Variants in OSBP2 observed in about 807,000 individuals in gnomAD.
OSBP2 encodes oxysterol-binding protein 2.
In OSBP2, 66 loss-of-function variants were observed where a neutral mutation model predicts 96.0. That is an observed-to-expected ratio of 0.69 (90% CI 0.56 to 0.84). The LOEUF (loss-of-function observed/expected upper bound fraction) is 0.84. Among genes scored for constraint, OSBP2 ranks in the 40% least tolerant of loss-of-function variants. OSBP2 has a pLI of 0.00. For missense variants in OSBP2, 1,038 were observed against 1,222.7 expected (o/e 0.85, Z 2.25); for synonymous variants, 525 against 520.9 (o/e 1.01, Z -0.11).
chr22:30,844,567 G>A (rs1040837821), intron 2 of OSBP2: 1 of 154,880 alleles, frequency 6.5e-6, no homozygotes, highest in Non-Finnish European at 1.4e-5. Context: ...CCTCACCTCT[G>A]TCAGCCTCCA....
chr22:30,870,781 C>T lies in OSBP2; in HGVS notation c.1107+99C>T. 7.7e-7 allele frequency: 1 copy of T among 1,291,792 alleles called. No individual in the cohort carries two copies. The highest frequency in any genetic ancestry group is 1.1e-6 in the Non-Finnish European group (1 of 932,384). The allele number at this position is 1,291,792 out of a possible 1,614,324, so 80.0% of individuals were successfully genotyped here. On this transcript the variant is annotated intron_variant, in intron 3 of 13. Coordinates refer to ENST00000332585, the MANE Select transcript of OSBP2 (RefSeq NM_030758.4). This position sits in a 1 kb window ranked among gnomAD's most constrained non-coding sequence, Gnocchi z 4.1. ...GGGTCAGCTTGAAGGGTCAGCGTTCCATTTCCTGCGGTTCCACGGTGTTTC... is the reference window on the plus strand; with the variant it reads ...GGGTCAGCTTGAAGGGTCAGCGTTCTATTTCCTGCGGTTCCACGGTGTTTC...
intron 2 of OSBP2, among the ~76,000 whole-genome samples, chr22:30,853,381 A>G (rs1022682654): frequency 2.6e-5 from 4 of 152,122 alleles, no homozygotes; most frequent in South Asian, 2.1e-4. Flanking sequence ...TCTCTGTCCA[A>G]AAGTTTGCTT....
intron 2 of OSBP2, among the ~76,000 whole-genome samples, chr22:30,830,561 C>T (rs2147001957): frequency 6.6e-6 from 1 of 152,352 alleles, no homozygotes; most frequent in South Asian, 2.1e-4. Context: ...GACAGGGCCC[C>T]TGGAATGTGA....
intron 2 of OSBP2, chr22:30,822,831 G>C: frequency 1.3e-6 from 1 of 765,746 alleles, no homozygotes; most frequent in Non-Finnish European, 1.9e-6. Flanking sequence ...CTCGCGGCGT[G>C]GGGAGCGCGG....
At chr22:30,900,967 T>C (rs533419281) in intron 12 of OSBP2, among the ~76,000 whole-genome samples, 1 of 152,312 alleles carries the variant, frequency 6.6e-6, no homozygotes, top group Admixed American at 6.5e-5. Flanking sequence ...TAAACAAACT[T>C]GGAGAAGGTA....
intron 2 of OSBP2, among the ~76,000 whole-genome samples, chr22:30,820,520 T>G (rs1381854610): frequency 2.0e-5 from 3 of 152,170 alleles, no homozygotes; most frequent in African/African-American, 7.2e-5. Context: ...TAAGGGACCT[T>G]GCAGAGCATG....
At chr22:30,880,049 CA>C (rs796440117) in intron 3 of OSBP2, among the ~76,000 whole-genome samples, 28 of 144,236 alleles carry the variant, frequency 1.9e-4, no homozygotes, top group African/African-American at 2.3e-4. Flanking sequence ...GACTCTGTCT[CA>C]AAAAAAAAAA....
chr22:30,869,551 T>C (rs1315601721), intron 2 of OSBP2, among the ~76,000 whole-genome samples: 1 of 152,218 alleles, frequency 6.6e-6, no homozygotes, highest in African/African-American at 2.4e-5. Context: ...GTTTTGTTTT[T>C]TGAAACAAGG....
chr22:30,804,626 A>C (rs2090901337), intron 2 of OSBP2, among the ~76,000 whole-genome samples: 1 of 152,232 alleles, frequency 6.6e-6, no homozygotes, highest in African/African-American at 2.4e-5. Flanking sequence ...GTTTCGCACC[A>C]GTGTTCTGTA....
intron 2 of OSBP2, chr22:30,844,708 A>G (rs1224063751): frequency 1.3e-5 from 2 of 152,206 alleles, no homozygotes; most frequent in Non-Finnish European, 2.9e-5. Flanking sequence ...CTTATCATTT[A>G]TGTCTTAACT....
At chr22:30,851,414 A>G (rs2038975859) in intron 2 of OSBP2, among the ~76,000 whole-genome samples, 1 of 152,186 alleles carries the variant, frequency 6.6e-6, no homozygotes, top group Non-Finnish European at 1.5e-5. Flanking sequence ...ATTTCAGAAA[A>G]ATGATTGTTA....
At chr22:30,879,357 T>A (rs148969843) in intron 3 of OSBP2, among the ~76,000 whole-genome samples, 63 of 152,368 alleles carry the variant, frequency 4.1e-4, no homozygotes, top group African/African-American at 1.5e-3. Context: ...GGTTCCTGTG[T>A]GCGAGTGGCA....
At chr22:30,790,224 G>C (rs2090652893) in intron 2 of OSBP2, among the ~76,000 whole-genome samples, 1 of 152,040 alleles carries the variant, frequency 6.6e-6, no homozygotes, top group Non-Finnish European at 1.5e-5. Context: ...TGGCCTACAG[G>C]GATTCCGGGT....
Position 30,776,013 on chromosome 22 carries a change from C to G in OSBP2, c.853+34644C>G, listed in dbSNP as rs145471843. On this transcript the variant is annotated intron_variant, in intron 2 of 13. Transcript: ENST00000332585. ...GTTTTGCCATGTTGTCCAGGCTGGT[C>G]TTGAACTCCTGGCCTCTAGTGATCT... Among the ~76,000 whole-genome samples, 1,354 of 151,898 alleles carry G rather than the reference C, an allele frequency of 8.9e-3. 16 individuals carry two copies. Among genetic ancestry groups the G allele is most frequent in the African/African-American group, 0.03 (1,245 of 41,420 alleles).
intron 2 of OSBP2, among the ~76,000 whole-genome samples, chr22:30,858,240 G>A (rs891446464): frequency 9.4e-5 from 14 of 149,570 alleles, no homozygotes; most frequent in African/African-American, 1.5e-4. Flanking sequence ...TCCGCTTCCC[G>A]GGTTCACGCC....
In OSBP2 at chr22:30,893,681, G is replaced by A. The variant is rs1385846106; in HGVS notation, c.2138G>A (p.Cys713Tyr). 5 of 1,614,220 alleles carry A rather than the reference G, an allele frequency of 3.1e-6. No individual in the cohort carries two copies. The highest frequency in any genetic ancestry group is 4.2e-6 in the Non-Finnish European group (5 of 1,180,036). The change falls in exon 11 of 14, where the codon TGC (cysteine) becomes TAC (tyrosine). Residue 713 changes from cysteine to tyrosine, a missense_variant. Coordinates refer to ENST00000332585, the MANE Select transcript of OSBP2 (RefSeq NM_030758.4). ...EIVNHKTNDRCQLKFLPYSYF... is the reference protein window; with the variant it reads ...EIVNHKTNDRYQLKFLPYSYF... ...GTGAACCATAAGACCAATGACCGGTGCCAGCTGAAGTTCCTGCCCTACAGC... is the reference window on the plus strand; with the variant it reads ...GTGAACCATAAGACCAATGACCGGTACCAGCTGAAGTTCCTGCCCTACAGC...
At chr22:30,905,072 G>C (rs1049042411) in intron 12 of OSBP2, among the ~76,000 whole-genome samples, 1 of 151,440 alleles carries the variant, frequency 6.6e-6, no homozygotes, top group Non-Finnish European at 1.5e-5. Context: ...AGGAGGCGGA[G>C]GTTGCAGTGA....
intron 2 of OSBP2, among the ~76,000 whole-genome samples, chr22:30,856,838 A>G (rs1373502126): frequency 6.6e-6 from 1 of 152,130 alleles, no homozygotes; most frequent in Non-Finnish European, 1.5e-5. Flanking sequence ...AACCCAGAGA[A>G]TGAAGCCTAC....
At chr22:30,736,007 AG>A (rs1176846584) in intron 1 of OSBP2, among the ~76,000 whole-genome samples, 2 of 152,042 alleles carry the variant, frequency 1.3e-5, no homozygotes, top group Non-Finnish European at 2.9e-5. Context: ...TCTGCCTCCC[AG>A]GTTCAAGTGA....
Sources: allele counts gnomAD v4.1 joint callset (sites outside exome capture counted in the v4.1 genomes callset), GRCh38; gene constraint gnomAD v4.1.1; non-coding constraint Gnocchi (gnomAD v3.1); transcripts MANE v1.5; gene names NCBI Gene and HGNC (gene_info 2026-07-23, HGNC 2026-07-21).